UTS2: variants seen among roughly 807,000 people sequenced by gnomAD.
UTS2 encodes urotensin 2, also known as urotensin-2.
In UTS2, 10 loss-of-function variants were observed where a neutral mutation model predicts 12.6. That is an observed-to-expected ratio of 0.80 (90% CI 0.49 to 1.35). UTS2 has a LOEUF of 1.35. UTS2 is among the 40% of genes most tolerant of loss of function. The pLI is 0.00. For missense variants in UTS2, 142 were observed against 143.2 expected (o/e 0.99, Z 0.04); for synonymous variants, 52 against 50.0 (o/e 1.04, Z -0.17).
upstream of UTS2, among the ~76,000 whole-genome samples, chr1:7,855,653 G>A (rs1350399377): frequency 2.0e-5 from 3 of 149,516 alleles, no homozygotes; most frequent in African/African-American, 7.4e-5. Flanking sequence ...AAAGTGCTGG[G>A]ATTACAGGTG....
chr1:7,882,397 A>G, the UTS2 span, among the ~76,000 whole-genome samples: 2 of 152,130 alleles, frequency 1.3e-5, no homozygotes, highest in Non-Finnish European at 2.9e-5. Context: ...ATTAAACTAG[A>G]TGTGTATCTC....
chr1:7,876,665 C>G, the UTS2 span, among the ~76,000 whole-genome samples: 1 of 152,032 alleles, frequency 6.6e-6, no homozygotes, highest in African/African-American at 2.4e-5. Flanking sequence ...ACCACTGGTG[C>G]TGAAAAAAAA....
chr1:7,847,818 T>C lies in UTS2; in HGVS notation c.323A>G (p.Lys108Arg). Residue 108 changes from lysine to arginine, a missense_variant, in exon 4 of 4, where the codon AAA becomes AGA. Physicochemically the swap from Lys to Arg is conservative, Grantham distance 26. Transcript: ENST00000361696. Reference sequence around the variant, plus strand: ...AGGAGTCTCACGTTTCTTGTATGGTTTCCAGATTCTGGCCAAAAGATGACT... The same window carrying C: ...AGGAGTCTCACGTTTCTTGTATGGTCTCCAGATTCTGGCCAAAAGATGACT... ...LLSHLLARIW[K>R]PYKKRETPDC... The C allele has an allele frequency of 6.2e-7, 1 of 1,614,082 alleles. No individual in the cohort carries two copies. The highest frequency in any genetic ancestry group is 8.5e-7 in the Non-Finnish European group (1 of 1,179,984).
At chr1:7,865,021 G>A in the UTS2 span, among the ~76,000 whole-genome samples, 1 of 48,012 alleles carries the variant, frequency 2.1e-5, no homozygotes, top group Non-Finnish European at 5.1e-5. Flanking sequence ...CTCCCACAGC[G>A]GTCCCTCTGT....
At chr1:7,853,459 G>A (rs764750565), upstream of UTS2, 56 of 1,607,020 alleles carry the variant, frequency 3.5e-5, no homozygotes, top group Non-Finnish European at 4.7e-5. Context: ...GTGAGTAGAT[G>A]AGTTGCCATG....
upstream of UTS2, among the ~76,000 whole-genome samples, chr1:7,854,263 G>T (rs186520439): frequency 6.6e-6 from 1 of 151,810 alleles, no homozygotes; most frequent in Non-Finnish European, 1.5e-5. Flanking sequence ...AGAATTGCTT[G>T]AATCCAGGAG....
chr1:7,895,006 G>C, the UTS2 span, among the ~76,000 whole-genome samples: 1 of 152,066 alleles, frequency 6.6e-6, no homozygotes, highest in East Asian at 1.9e-4. Context: ...TATCTGTCCA[G>C]ATGTTTAATT....
chr1:7,857,232 CT>C (rs1357752972), upstream of UTS2, among the ~76,000 whole-genome samples: 1 of 151,952 alleles, frequency 6.6e-6, no homozygotes, highest in African/African-American at 2.4e-5. Flanking sequence ...GCCTTCTGAC[CT>C]CTGCCCTCTG....
At chr1:7,880,595 C>T in the UTS2 span, among the ~76,000 whole-genome samples, 1 of 152,106 alleles carries the variant, frequency 6.6e-6, no homozygotes, top group African/African-American at 2.4e-5. Flanking sequence ...ACACATACAA[C>T]CATCAAGATT....
chr1:7,850,572 A>G (rs1162756685), intron 2 of UTS2, among the ~76,000 whole-genome samples: 2 of 152,212 alleles, frequency 1.3e-5, no homozygotes, highest in Non-Finnish European at 2.9e-5. Context: ...TCTACCCCGC[A>G]AAAATAAAAG....
chr1:7,889,986 G>A, the UTS2 span, among the ~76,000 whole-genome samples: 1 of 152,022 alleles, frequency 6.6e-6, no homozygotes, highest in Non-Finnish European at 1.5e-5. Context: ...AGAATGGCTT[G>A]AACCCGGGAG....
chr1:7,879,726 G>T, the UTS2 span, among the ~76,000 whole-genome samples: 1 of 148,184 alleles, frequency 6.7e-6, no homozygotes, highest in African/African-American at 2.6e-5. Flanking sequence ...GGATGATAGA[G>T]CAAGACTCTG....
At chr1:7,903,608 T>C in the UTS2 span, among the ~76,000 whole-genome samples, 2 of 152,024 alleles carry the variant, frequency 1.3e-5, no homozygotes, top group Non-Finnish European at 2.9e-5. Context: ...CAGGCTGGTC[T>C]CGAACTCCTG....
At chr1:7,910,965 C>G in the UTS2 span, among the ~76,000 whole-genome samples, 1 of 151,630 alleles carries the variant, frequency 6.6e-6, no homozygotes, top group Non-Finnish European at 1.5e-5. Context: ...CTTGCCCAGG[C>G]TAGTCGTGAA....
At chr1:7,851,031 A>T (rs2097413554) in intron 1 of UTS2, 109 bp from the exon 2 acceptor site, 1 of 1,027,040 alleles carries the variant, frequency 9.7e-7, no homozygotes, top group Non-Finnish European at 1.5e-6. Context: ...CACTAGAAAA[A>T]CTTCCAACGC....
chr1:7,890,124 T>TAA, the UTS2 span, among the ~76,000 whole-genome samples: 5,026 of 135,502 alleles, frequency 0.037, 206 homozygotes, highest in African/African-American at 0.11. Flanking sequence ...AGCCTCCATC[T>TAA]AAAAAAAAAA....
chr1:7,908,295 TAAAA>T, the UTS2 span, among the ~76,000 whole-genome samples: 4 of 107,864 alleles, frequency 3.7e-5, no homozygotes, highest in East Asian at 2.4e-4. Context: ...AGACTCCGTC[TAAAA>T]AAAAAAAAAA....
the UTS2 span, among the ~76,000 whole-genome samples, chr1:7,861,638 A>G: frequency 6.6e-6 from 1 of 152,080 alleles, no homozygotes; most frequent in African/African-American, 2.4e-5. Context: ...GGTCAACGCT[A>G]GTGAGTGGCA....
chr1:7,856,342 A>T (rs1638306009), upstream of UTS2, among the ~76,000 whole-genome samples: 1 of 152,238 alleles, frequency 6.6e-6, no homozygotes, highest in Non-Finnish European at 1.5e-5. Context: ...TGCTATGAAG[A>T]ACAATAACAA....
Sources: gnomAD v4.1 joint callset for allele counts (sites outside exome capture counted in the v4.1 genomes callset) on GRCh38, gnomAD v4.1.1 for gene constraint, MANE v1.5 for transcripts, NCBI Gene and HGNC (gene_info 2026-07-23, HGNC 2026-07-21) for gene names.